The following FARP2 variants were observed in gnomAD, a reference collection of about 807,000 sequenced individuals.
The protein encoded by FARP2 is FERM, ARH/RhoGEF and pleckstrin domain protein 2.
Under a neutral mutation model 130.5 loss-of-function variants are expected in FARP2, and 111 were observed. The ratio of observed to expected loss-of-function variants is 0.85; its 90% CI spans 0.73 to 1.00. FARP2 has a LOEUF of 1.00. Ranked by LOEUF, FARP2 falls within the 50% of genes least tolerant of loss-of-function variation. The probability of loss-of-function intolerance (pLI) is 0.00; values close to 1 mark genes in which losing one functional copy is unlikely to be tolerated. For missense variants in FARP2, 1,385 were observed against 1,346.3 expected (o/e 1.03, Z -0.45); for synonymous variants, 504 against 516.9 (o/e 0.98, Z 0.34).
At chr2:241,380,429 GTTA>G (rs2061634712) in intron 2 of FARP2, among the ~76,000 whole-genome samples, 1 of 152,138 alleles carries the variant, frequency 6.6e-6, no homozygotes, top group Admixed American at 6.6e-5. Context: ...TGATTCTGTT[GTTA>G]TTTGATTCGT....
At chr2:241,441,664 G>A (rs1012649964) in intron 13 of FARP2, 108 bp downstream of exon 13, 17 of 1,476,442 alleles carry the variant, frequency 1.2e-5, no homozygotes, top group Non-Finnish European at 1.4e-5. Context: ...GGAGCTCAGC[G>A]CTGCTTGTAA....
At chr2:241,402,091 A>AT in intron 2 of FARP2, among the ~76,000 whole-genome samples, 1 of 152,270 alleles carries the variant, frequency 6.6e-6, no homozygotes. Context: ...TGCCCGGCCT[A>AT]TTTTACCAAT....
intron 4 of FARP2, among the ~76,000 whole-genome samples, chr2:241,405,849 A>G (rs1301721777): frequency 6.6e-6 from 1 of 151,952 alleles, no homozygotes; most frequent in African/African-American, 2.4e-5. Flanking sequence ...CAGGAGAATC[A>G]CTTGAGCCTG....
At chr2:241,423,111 A>G (rs1378438744) in intron 8 of FARP2, among the ~76,000 whole-genome samples, 1 of 152,206 alleles carries the variant, frequency 6.6e-6, no homozygotes, top group Non-Finnish European at 1.5e-5. Flanking sequence ...AAATGCAGAG[A>G]ACCCCAGTAA....
At chr2:241,379,086 G>C (rs62193207) in intron 2 of FARP2, among the ~76,000 whole-genome samples, 16,785 of 152,234 alleles carry the variant, frequency 0.11, 1,188 homozygotes, top group Non-Finnish European at 0.15. Context: ...GGTGTGAAAA[G>C]TGTCTAACTC....
chr2:241,459,041 T>C lies in FARP2; in HGVS notation c.1587+2119T>C, dbSNP rs978985591. ...ACGTGGTGTCTCCTGTTGCCTCTCC[T>C]CAACACCTGGGCTCTGGAGGGAGGG... On this transcript the variant is annotated intron_variant, in intron 14 of 26. Coordinates refer to ENST00000264042, the MANE Select transcript of FARP2 (RefSeq NM_014808.4). This position sits in a 1 kb window ranked among gnomAD's most constrained non-coding sequence, Gnocchi z 5.3. Among the ~76,000 whole-genome samples the C allele has an allele frequency of 6.6e-5, 10 of 152,352 alleles. No individual in the cohort carries two copies. Among genetic ancestry groups the C allele is most frequent in the African/African-American group, 2.4e-4 (10 of 41,586 alleles).
chr2:241,451,827 T>C (rs925456927), intron 13 of FARP2, among the ~76,000 whole-genome samples: 1 of 152,044 alleles, frequency 6.6e-6, no homozygotes, highest in Non-Finnish European at 1.5e-5. Context: ...CGATCTTGGC[T>C]CACTGCACCC....
intron 19 of FARP2, chr2:241,478,872 A>C: frequency 2.6e-6 from 1 of 385,048 alleles, no homozygotes; most frequent in Non-Finnish European, 5.0e-6. Flanking sequence ...AACTATGGGA[A>C]TGAAGATCAG....
chr2:241,462,485 C>G lies in FARP2; in HGVS notation c.1588-38C>G, dbSNP rs2064047087. 4 of 1,491,174 alleles carry G rather than the reference C, an allele frequency of 2.7e-6. No homozygotes were observed. In the African/African-American group the frequency reaches 4.1e-5, roughly 15 times the overall value. 92.4% of individuals were successfully genotyped at this position (1,491,174 alleles called of 1,614,324 possible). On this transcript the variant is annotated intron_variant, in intron 14 of 26. Transcript: ENST00000264042. ...CCCTGAGCGTGGGAGGGTCCCATGT[C>G]CCAGGGACGCACACTTACAGCTCTC...
intron 2 of FARP2, among the ~76,000 whole-genome samples, chr2:241,386,391 T>C (rs1192731745): frequency 6.6e-6 from 1 of 152,126 alleles, no homozygotes; most frequent in African/African-American, 2.4e-5. Flanking sequence ...GAGTCATTGC[T>C]CCCCGCTCAG....
chr2:241,403,483 A>G (rs1268661169), intron 2 of FARP2, among the ~76,000 whole-genome samples: 1 of 152,170 alleles, frequency 6.6e-6, no homozygotes, highest in Non-Finnish European at 1.5e-5. Context: ...AATTGCTGGT[A>G]TTATAGGCGT....
chr2:241,382,290 C>CTCTTTTTTTTTTTTTTTTTTTTTTTTTT (rs1553709361), intron 2 of FARP2, among the ~76,000 whole-genome samples: 2 of 127,198 alleles, frequency 1.6e-5, no homozygotes, highest in African/African-American at 2.8e-5. Context: ...TGTACAAAAT[C>CTCTTTTTTTTTTTTTTTTTTTTTTTTTT]TATTTTTTTT....
At position 241,456,803 on chromosome 2, in the gene FARP2, C is replaced by T. The variant is rs34059254; in HGVS notation, c.1468C>T (p.Leu490=). 6.2e-7 allele frequency: 1 copy of T among 1,614,140 alleles called. No homozygotes were observed. The highest frequency in any genetic ancestry group is 8.5e-7 in the Non-Finnish European group (1 of 1,180,008). The change falls in exon 14 of 27, where the codon CTG becomes TTG. Residue 490 remains leucine (L), a synonymous_variant. Transcript: ENST00000264042. ...SPSSRKSPLS[L]SPAFQVPLGP... is the part of the protein sequence containing the mutation. The stretch of plus-strand genomic sequence containing the variant: ...CTCCAGCCGGAAGAGCCCCCTGAGT[C>T]TGAGCCCTGCATTTCAGGTGCCTTT...
At chr2:241,425,462 C>G (rs2062910261) in intron 8 of FARP2, among the ~76,000 whole-genome samples, 1 of 151,664 alleles carries the variant, frequency 6.6e-6, no homozygotes, top group Non-Finnish European at 1.5e-5. Flanking sequence ...GGAGAAGACC[C>G]AAGAACTCCC....
chr2:241,401,014 CTAAGAGATTAT>C (rs1237412109), intron 2 of FARP2, among the ~76,000 whole-genome samples: 1 of 152,148 alleles, frequency 6.6e-6, no homozygotes, highest in Non-Finnish European at 1.5e-5. Context: ...GGAGAAGGCC[CTAAGAGATTAT>C]GTCAGAGCAA....
chr2:241,403,689 T>A, intron 2 of FARP2, 139 bp from the exon 3 acceptor site: 1 of 446,948 alleles, frequency 2.2e-6, no homozygotes, highest in Non-Finnish European at 4.0e-6. Context: ...TTTTTTTATA[T>A]ATAGTTTATA....
chr2:241,401,458 G>C (rs936570580), intron 2 of FARP2, among the ~76,000 whole-genome samples: 1 of 152,134 alleles, frequency 6.6e-6, no homozygotes, highest in Non-Finnish European at 1.5e-5. Flanking sequence ...TATCCATGGG[G>C]CATATGTGTT....
intron 5 of FARP2, among the ~76,000 whole-genome samples, chr2:241,408,980 A>C (rs2062438469): frequency 6.7e-6 from 1 of 150,144 alleles, no homozygotes; most frequent in Admixed American, 6.6e-5. Flanking sequence ...GACATTTACC[A>C]AAAAAAAAGT....
intron 13 of FARP2, among the ~76,000 whole-genome samples, chr2:241,454,352 C>T (rs929101095): frequency 1.3e-5 from 2 of 152,206 alleles, no homozygotes; most frequent in South Asian, 2.1e-4. Context: ...TGAAGGCCGA[C>T]GCTGACTTCC....
Sources: gnomAD v4.1 joint callset for allele counts (sites outside exome capture counted in the v4.1 genomes callset) on GRCh38, gnomAD v4.1.1 for gene constraint, Gnocchi (gnomAD v3.1) non-coding constraint, MANE v1.5 for transcripts, NCBI Gene and HGNC (gene_info 2026-07-23, HGNC 2026-07-21) for gene names.